PAK1: variants seen among roughly 807,000 people sequenced by gnomAD.
The protein encoded by PAK1 is p21 (RAC1) activated kinase 1.
A neutral mutation model predicts 67.4 loss-of-function variants in PAK1; 29 were observed. The ratio of observed to expected loss-of-function variants is 0.43; its 90% CI spans 0.32 to 0.59. The LOEUF (loss-of-function observed/expected upper bound fraction) is 0.59, where lower values mean the gene tolerates loss of function less well. Among genes scored for constraint, PAK1 ranks in the 20% least tolerant of loss-of-function variants. The pLI, the probability that PAK1 is intolerant of heterozygous loss-of-function variation, is 0.07. For synonymous variants in PAK1, 223 were observed against 237.4 expected (o/e 0.94, Z 0.56); for missense variants, 337 against 670.7 (o/e 0.50, Z 5.50).
At chr11:77,433,656 G>A (rs1253671181) in intron 1 of PAK1, among the ~76,000 whole-genome samples, 1 of 152,190 alleles carries the variant, frequency 6.6e-6, no homozygotes, top group East Asian at 1.9e-4. Flanking sequence ...GCACGCTCCT[G>A]TAGTCCCAGC....
the PAK1 span, among the ~76,000 whole-genome samples, chr11:77,495,432 C>G: frequency 1.3e-5 from 2 of 152,090 alleles, no homozygotes; most frequent in Non-Finnish European, 2.9e-5. Flanking sequence ...CAAGATCGCA[C>G]AACTGCACTC....
At chr11:77,435,590 T>C (rs1241443629) in intron 1 of PAK1, among the ~76,000 whole-genome samples, 3 of 148,326 alleles carry the variant, frequency 2.0e-5, no homozygotes, top group Admixed American at 6.7e-5. Context: ...GCCTCCCGGG[T>C]TCACGCCATT....
intron 1 of PAK1, among the ~76,000 whole-genome samples, chr11:77,451,461 T>G (rs1462944687): frequency 1.3e-5 from 2 of 152,194 alleles, no homozygotes; most frequent in African/African-American, 4.8e-5. Flanking sequence ...ACTACCCACT[T>G]CTTCCATCAA....
intron 1 of PAK1, among the ~76,000 whole-genome samples, chr11:77,461,689 G>C (rs560736849): frequency 3.9e-5 from 6 of 152,196 alleles, no homozygotes; most frequent in Non-Finnish European, 7.3e-5. Flanking sequence ...AAAGGAAACA[G>C]AAAAGGGTTG....
chr11:77,323,638 A>C (rs1938918408), intron 14 of PAK1, among the ~76,000 whole-genome samples: 1 of 152,240 alleles, frequency 6.6e-6, no homozygotes, highest in Non-Finnish European at 1.5e-5. Context: ...ACATACACAG[A>C]AATGTTCATA....
chr11:77,360,586 T>C (rs1946647627), intron 5 of PAK1, among the ~76,000 whole-genome samples: 1 of 152,194 alleles, frequency 6.6e-6, no homozygotes, highest in Admixed American at 6.5e-5. Flanking sequence ...TCCCCTGATG[T>C]ATACTGTAAA....
intron 11 of PAK1, among the ~76,000 whole-genome samples, chr11:77,340,144 G>A (rs1323937994): frequency 6.6e-6 from 1 of 151,776 alleles, no homozygotes; most frequent in Non-Finnish European, 1.5e-5. Context: ...CTAGATTTTT[G>A]CTGGCTTGCT....
At chr11:77,396,211 C>A (rs1395790877) in intron 1 of PAK1, among the ~76,000 whole-genome samples, 1 of 152,194 alleles carries the variant, frequency 6.6e-6, no homozygotes, top group Admixed American at 6.5e-5. Context: ...TTACTTAAAA[C>A]CTAAAATAAG....
At chr11:77,438,934 G>C (rs1486748626) in intron 1 of PAK1, among the ~76,000 whole-genome samples, 3 of 152,172 alleles carry the variant, frequency 2.0e-5, no homozygotes, top group Non-Finnish European at 4.4e-5. Flanking sequence ...ATGAATTTGA[G>C]GCTCTAGAAC....
intron 1 of PAK1, among the ~76,000 whole-genome samples, chr11:77,400,876 G>C (rs1232715861): frequency 6.6e-6 from 1 of 152,202 alleles, no homozygotes. Flanking sequence ...AGACAGAACA[G>C]TAAACAAGTC....
At chr11:77,327,985 C>T (rs1366241982) in intron 14 of PAK1, among the ~76,000 whole-genome samples, 1 of 152,074 alleles carries the variant, frequency 6.6e-6, no homozygotes, top group African/African-American at 2.4e-5. Context: ...GATTGCAATC[C>T]TAGTCTCTGA....
chr11:77,489,449 C>A, the PAK1 span, among the ~76,000 whole-genome samples: 1 of 151,700 alleles, frequency 6.6e-6, no homozygotes. Flanking sequence ...TCTCCCCTCT[C>A]CCCACGGTCT....
chr11:77,353,402 ACT>A, intron 8 of PAK1, 132 bp downstream of exon 8: 1 of 648,092 alleles, frequency 1.5e-6, no homozygotes. Context: ...TCACATAACA[ACT>A]CCAGATGGGT....
intron 1 of PAK1, among the ~76,000 whole-genome samples, chr11:77,457,935 T>C (rs1309770414): frequency 6.6e-6 from 1 of 152,212 alleles, no homozygotes. Flanking sequence ...GTCCCTTCAA[T>C]TATTATTCAC....
chr11:77,354,271 C>G (rs187444179), intron 7 of PAK1, among the ~76,000 whole-genome samples: 1 of 152,158 alleles, frequency 6.6e-6, no homozygotes, highest in African/African-American at 2.4e-5. Context: ...CAAGGTCACA[C>G]AGCAAATTGG....
chr11:77,496,635 T>G, the PAK1 span, among the ~76,000 whole-genome samples: 24 of 150,562 alleles, frequency 1.6e-4, no homozygotes, highest in Non-Finnish European at 1.5e-4. Context: ...GAAAAAGAAA[T>G]AAAAATAAAA....
intron 1 of PAK1, among the ~76,000 whole-genome samples, chr11:77,471,998 G>C (rs771148430): frequency 3.3e-5 from 5 of 152,138 alleles, no homozygotes; most frequent in Non-Finnish European, 7.4e-5. Flanking sequence ...TGTACAACTG[G>C]AGTCCCCCAG....
the PAK1 span, among the ~76,000 whole-genome samples, chr11:77,517,116 C>A: frequency 6.6e-6 from 1 of 152,076 alleles, no homozygotes; most frequent in Non-Finnish European, 1.5e-5. Flanking sequence ...TAATTAGAAC[C>A]CAGGGCTCAA....
At chr11:77,449,819 AT>A (rs1956780670) in intron 1 of PAK1, among the ~76,000 whole-genome samples, 1 of 151,908 alleles carries the variant, frequency 6.6e-6, no homozygotes, top group Non-Finnish European at 1.5e-5. Context: ...TTTCCAATGT[AT>A]TACATATTCA....
Sources: gnomAD v4.1 joint callset for allele counts (sites outside exome capture counted in the v4.1 genomes callset) on GRCh38, gnomAD v4.1.1 for gene constraint, MANE v1.5 for transcripts, NCBI Gene and HGNC (gene_info 2026-07-23, HGNC 2026-07-21) for gene names.